PIK3C3: variants seen among roughly 807,000 people sequenced by gnomAD.
PIK3C3 encodes the protein phosphatidylinositol 3-kinase catalytic subunit type 3.
In PIK3C3, 95 loss-of-function variants were observed where a neutral mutation model predicts 126.1. That is an observed-to-expected ratio of 0.75 (90% confidence interval 0.64 to 0.89). PIK3C3 has a LOEUF of 0.89. PIK3C3 is among the 40% of genes least tolerant of loss of function. The probability of loss-of-function intolerance (pLI) is 0.00; values close to 1 mark genes in which losing one functional copy is unlikely to be tolerated. For synonymous variants in PIK3C3, 374 were observed against 360.0 expected (o/e 1.04, Z -0.44); for missense variants, 829 against 1,063.2 (o/e 0.78, Z 3.06).
chr18:42,078,343 G>T (rs1183173833), intron 24 of PIK3C3, among the ~76,000 whole-genome samples: 1 of 137,790 alleles, frequency 7.3e-6, no homozygotes, highest in Non-Finnish European at 1.5e-5. Flanking sequence ...CGCCACTGCA[G>T]TCCGCAGTCC....
intron 15 of PIK3C3, among the ~76,000 whole-genome samples, chr18:42,032,496 G>A (rs1983871867): frequency 6.6e-6 from 1 of 152,052 alleles, no homozygotes; most frequent in African/African-American, 2.4e-5. Context: ...AAGAAGAGAA[G>A]CAATCAGGAG....
chr18:42,028,383 T>A (rs1364327447), intron 14 of PIK3C3, among the ~76,000 whole-genome samples: 3 of 152,224 alleles, frequency 2.0e-5, no homozygotes, highest in Non-Finnish European at 4.4e-5. Context: ...GATTTATTTT[T>A]CCTGTGTTCG....
At chr18:41,966,071 C>T (rs1980344740) in intron 3 of PIK3C3, among the ~76,000 whole-genome samples, 1 of 151,998 alleles carries the variant, frequency 6.6e-6, no homozygotes. Context: ...GAGAGAAGCA[C>T]TGATTGCGTG....
chr18:42,041,660 G>A (rs1465790460), intron 19 of PIK3C3, among the ~76,000 whole-genome samples: 3 of 151,688 alleles, frequency 2.0e-5, no homozygotes, highest in African/African-American at 7.3e-5. Flanking sequence ...TACACAGAAG[G>A]GCTTGGTAGA....
intron 4 of PIK3C3, among the ~76,000 whole-genome samples, chr18:41,987,535 A>G (rs916119728): frequency 3.3e-5 from 5 of 152,138 alleles, no homozygotes; most frequent in Non-Finnish European, 5.9e-5. Flanking sequence ...AATACAAGAA[A>G]TATAGGAACA....
intron 14 of PIK3C3, among the ~76,000 whole-genome samples, chr18:42,027,980 A>C (rs535402406): frequency 1.3e-5 from 2 of 152,256 alleles, no homozygotes; most frequent in African/African-American, 4.8e-5. Flanking sequence ...AAAAGAAATC[A>C]AAAGAAGAAG....
At chr18:42,038,728 G>T in intron 17 of PIK3C3, 53 bp from the exon 18 acceptor site, 1 of 1,128,672 alleles carries the variant, frequency 8.9e-7, no homozygotes, top group Non-Finnish European at 1.3e-6. Context: ...CCACAAAACT[G>T]TCTTTTAACA....
intron 21 of PIK3C3, 29 bp downstream of exon 21, chr18:42,049,634 A>T: frequency 6.8e-7 from 1 of 1,476,660 alleles, no homozygotes; most frequent in Non-Finnish European, 9.5e-7. Context: ...CAGTAGACAT[A>T]CATTGTATAT....
intron 10 of PIK3C3, among the ~76,000 whole-genome samples, chr18:42,011,094 A>T (rs1196934837): frequency 1.3e-5 from 2 of 152,160 alleles, no homozygotes; most frequent in Non-Finnish European, 2.9e-5. Context: ...AACAGATGTG[A>T]TGTCATTCAG....
chr18:42,066,781 A>G (rs1410885187), intron 23 of PIK3C3, among the ~76,000 whole-genome samples: 1 of 152,168 alleles, frequency 6.6e-6, no homozygotes, highest in Non-Finnish European at 1.5e-5. Context: ...GTAGCTTTAA[A>G]TAAGACTAAA....
chr18:42,069,596 G>C (rs2144523853), intron 24 of PIK3C3, among the ~76,000 whole-genome samples: 1 of 152,158 alleles, frequency 6.6e-6, no homozygotes, highest in South Asian at 2.1e-4. Flanking sequence ...AAACATGCTT[G>C]AAGTCAGAAA....
At chr18:41,991,659 T>C (rs1002530599) in intron 6 of PIK3C3, among the ~76,000 whole-genome samples, 9 of 152,220 alleles carry the variant, frequency 5.9e-5, no homozygotes, top group Non-Finnish European at 2.9e-5. Flanking sequence ...AAGGTTTTCA[T>C]AATGAAGGTT....
At chr18:42,024,005 A>G (rs1983442432) in intron 13 of PIK3C3, among the ~76,000 whole-genome samples, 1 of 152,230 alleles carries the variant, frequency 6.6e-6, no homozygotes, top group African/African-American at 2.4e-5. Flanking sequence ...TCCAGTTTGT[A>G]AAATGATGGG....
rs187610389 is a variant in PIK3C3 at position 41,998,044 on chromosome 18, C to A, written c.984+1314C>A. Among the ~76,000 whole-genome samples the A allele has an allele frequency of 2.5e-3, 376 of 152,106 alleles. 2 individuals carry two copies. Among genetic ancestry groups the A allele is most frequent in the African/African-American group, 8.8e-3 (364 of 41,526 alleles). Reference sequence around the variant, plus strand: ...GTCTTTACTATTTTAAGTTGTTTTTCTGAACCAAATGTCCTTTCTTTAGTT... The same window carrying A: ...GTCTTTACTATTTTAAGTTGTTTTTATGAACCAAATGTCCTTTCTTTAGTT... On this transcript the variant is annotated intron_variant, in intron 9 of 24. Coordinates refer to ENST00000262039, the MANE Select transcript of PIK3C3 (RefSeq NM_002647.4).
chr18:41,971,083 C>T (rs1449203603), intron 4 of PIK3C3: 1 of 153,240 alleles, frequency 6.5e-6, no homozygotes, highest in Admixed American at 6.5e-5. Flanking sequence ...AGTGTTTTCA[C>T]TTAGAAATAT....
At chr18:42,074,814 C>T (rs571127153) in intron 24 of PIK3C3, among the ~76,000 whole-genome samples, 6 of 152,092 alleles carry the variant, frequency 3.9e-5, no homozygotes, top group Non-Finnish European at 7.4e-5. Context: ...CACTGAATTC[C>T]GTTTTGCAAA....
At chr18:42,010,426 C>T (rs142816979) in intron 10 of PIK3C3, among the ~76,000 whole-genome samples, 5,327 of 152,210 alleles carry the variant, frequency 0.035, 115 homozygotes, top group Non-Finnish European at 0.053. Flanking sequence ...AGTGCAGTGG[C>T]ATGATCTTGG....
At chr18:42,076,149 T>C (rs62082881) in intron 24 of PIK3C3, among the ~76,000 whole-genome samples, 30,757 of 88,136 alleles carry the variant, frequency 0.35, 6,085 homozygotes, top group South Asian at 0.44. Flanking sequence ...TATATGCGCA[T>C]ATATATATAT....
At chr18:42,006,403 G>C (rs955554897) in intron 10 of PIK3C3, among the ~76,000 whole-genome samples, 5 of 137,360 alleles carry the variant, frequency 3.6e-5, no homozygotes, top group African/African-American at 1.2e-4. Flanking sequence ...ACATTGGCAT[G>C]ATTGATTAAA....
Sources: gnomAD v4.1 joint callset for allele counts (sites outside exome capture counted in the v4.1 genomes callset) on GRCh38, gnomAD v4.1.1 for gene constraint, MANE v1.5 for transcripts, NCBI Gene and HGNC (gene_info 2026-07-23, HGNC 2026-07-21) for gene names.